The following FERMT2 variants were observed in gnomAD, a reference collection of about 807,000 sequenced individuals.
FERMT2 encodes FERM domain containing kindlin 2, also known as fermitin family homolog 2.
In FERMT2, 15 loss-of-function variants were observed where a neutral mutation model predicts 82.7. The ratio of observed to expected loss-of-function variants is 0.18; its 90% CI spans 0.12 to 0.28. The LOEUF (loss-of-function observed/expected upper bound fraction) is 0.28, where lower values mean the gene tolerates loss of function less well. Ranked by LOEUF, FERMT2 falls within the 10% of genes least tolerant of loss-of-function variation. The pLI, the probability that FERMT2 is intolerant of heterozygous loss-of-function variation, is 1.00. For missense variants in FERMT2, 645 were observed against 809.4 expected (o/e 0.80, Z 2.46); for synonymous variants, 274 against 271.5 (o/e 1.01, Z -0.09).
At chr14:52,890,166 C>T (rs1480188295) in intron 4 of FERMT2, among the ~76,000 whole-genome samples, 1 of 149,854 alleles carries the variant, frequency 6.7e-6, no homozygotes, top group African/African-American at 2.5e-5. Flanking sequence ...GGTGCGGTGG[C>T]TCACGCCTGT....
At chr14:52,907,371 A>G (rs1309984722) in intron 3 of FERMT2, among the ~76,000 whole-genome samples, 2 of 152,218 alleles carry the variant, frequency 1.3e-5, no homozygotes, top group Admixed American at 6.5e-5. Flanking sequence ...GACTTGCACT[A>G]TAAGAAGAGA....
intron 10 of FERMT2, among the ~76,000 whole-genome samples, chr14:52,871,286 A>C (rs1885606869): frequency 6.6e-6 from 1 of 152,086 alleles, no homozygotes; most frequent in Non-Finnish European, 1.5e-5. Context: ...TGCTCTTCTA[A>C]GGGAAGATAC....
intron 3 of FERMT2, among the ~76,000 whole-genome samples, chr14:52,918,855 C>T (rs942634189): frequency 6.6e-6 from 1 of 152,126 alleles, no homozygotes; most frequent in Non-Finnish European, 1.5e-5. Context: ...GAAAATAGTG[C>T]CTGTTCCTTT....
chr14:52,935,665 C>A (rs549713396), intron 2 of FERMT2, among the ~76,000 whole-genome samples: 1 of 152,244 alleles, frequency 6.6e-6, no homozygotes, highest in East Asian at 1.9e-4. Flanking sequence ...ACTGTTTAAG[C>A]CACCCAGGAT....
intron 3 of FERMT2, among the ~76,000 whole-genome samples, chr14:52,907,775 C>A (rs1888101376): frequency 1.3e-5 from 2 of 150,902 alleles, no homozygotes; most frequent in South Asian, 2.1e-4. Context: ...CCACCCCCCA[C>A]CAAAAAAAAA....
At chr14:52,926,597 T>C (rs982635964) in intron 2 of FERMT2, among the ~76,000 whole-genome samples, 2 of 152,170 alleles carry the variant, frequency 1.3e-5, no homozygotes, top group Non-Finnish European at 2.9e-5. Context: ...TTTTCAGTTA[T>C]CCTCCAGGTA....
At chr14:52,877,090 C>G (rs2140104901) in intron 7 of FERMT2, among the ~76,000 whole-genome samples, 1 of 152,262 alleles carries the variant, frequency 6.6e-6, no homozygotes, top group African/African-American at 2.4e-5. Flanking sequence ...TGTGAGAACA[C>G]AACTGTGTGT....
At chr14:52,919,403 G>T in intron 2 of FERMT2, 47 bp from the exon 3 acceptor site, 1 of 1,399,908 alleles carries the variant, frequency 7.1e-7, no homozygotes, top group Non-Finnish European at 9.9e-7. Flanking sequence ...TCACCAAGGT[G>T]ATTTTGAGAA....
rs750137441 is a variant in FERMT2, at chr14:52,864,672, T to C, written c.1381-50A>G. The C allele has an allele frequency of 2.5e-6, 4 of 1,585,242 alleles. No homozygotes were observed. The South Asian group carries it at 3.3e-5, about 13-fold the overall frequency. Reference sequence around the variant, plus strand: ...TGCAATGTATCACGAGGTGGGTCTTTCAAGTATAAAATATAAGGATGACTG... The same window carrying C: ...TGCAATGTATCACGAGGTGGGTCTTCCAAGTATAAAATATAAGGATGACTG... On this transcript the variant is annotated intron_variant, in intron 11 of 14. Coordinates refer to ENST00000341590, the MANE Select transcript of FERMT2 (RefSeq NM_006832.3).
chr14:52,863,839 T>C (rs1029452724), intron 12 of FERMT2, among the ~76,000 whole-genome samples: 1 of 152,158 alleles, frequency 6.6e-6, no homozygotes, highest in Admixed American at 6.6e-5. Flanking sequence ...TAATTATATA[T>C]GGAATAAAAT....
chr14:52,888,325 T>G (rs1886728587), intron 4 of FERMT2, among the ~76,000 whole-genome samples: 1 of 152,192 alleles, frequency 6.6e-6, no homozygotes, highest in African/African-American at 2.4e-5. Context: ...CAATCTAAAT[T>G]ACTATGTCTT....
chr14:52,890,393 G>A (rs62003532), intron 4 of FERMT2, among the ~76,000 whole-genome samples: 18,693 of 143,292 alleles, frequency 0.13, 1,569 homozygotes, highest in Middle Eastern at 0.24. Context: ...GCAGTGAGCC[G>A]AGATCGCAGC....
At chr14:52,896,843 T>A (rs574937563) in intron 3 of FERMT2, among the ~76,000 whole-genome samples, 106 of 151,930 alleles carry the variant, frequency 7.0e-4, no homozygotes, top group African/African-American at 9.9e-4. Flanking sequence ...AATTTTTTTT[T>A]AAATTAGCCA....
chr14:52,949,373 G>T (rs1426135132), intron 2 of FERMT2, among the ~76,000 whole-genome samples: 1 of 136,452 alleles, frequency 7.3e-6, no homozygotes. Flanking sequence ...AACGAATGCT[G>T]TGTTTAAAAA....
At chr14:52,888,679 T>G (rs575991604) in intron 4 of FERMT2, among the ~76,000 whole-genome samples, 1 of 152,310 alleles carries the variant, frequency 6.6e-6, no homozygotes, top group African/African-American at 2.4e-5. Context: ...TTTCTATGCA[T>G]ACCGGTCTTC....
chr14:52,866,881 T>C (rs922934743), intron 10 of FERMT2, among the ~76,000 whole-genome samples: 2 of 152,136 alleles, frequency 1.3e-5, no homozygotes, highest in Non-Finnish European at 2.9e-5. Flanking sequence ...AGCTTTCCTA[T>C]CCAAGTGGGC....
At chr14:52,877,574 C>CTTTTTTGTTTTTT (rs1886041963) in intron 7 of FERMT2, among the ~76,000 whole-genome samples, 1 of 67,060 alleles carries the variant, frequency 1.5e-5, no homozygotes, top group African/African-American at 6.1e-5. Context: ...GCTGTTCTTG[C>CTTTTTTGTTTTTT]TTTTTTTTTT....
intron 13 of FERMT2, 122 bp downstream of exon 13, chr14:52,860,219 A>G (rs1884842339): frequency 1.4e-6 from 1 of 693,050 alleles, no homozygotes; most frequent in Non-Finnish European, 2.3e-6. Context: ...TTTGAATTCT[A>G]TTGTAATATG....
chr14:52,878,862 T>TC (rs1315422105), intron 6 of FERMT2, among the ~76,000 whole-genome samples, 173 bp from the exon 7 acceptor site: 1 of 152,158 alleles, frequency 6.6e-6, no homozygotes, highest in Non-Finnish European at 1.5e-5. Flanking sequence ...ACCTATGGGG[T>TC]CAGACATGCC....
Sources: allele counts gnomAD v4.1 joint callset (sites outside exome capture counted in the v4.1 genomes callset), GRCh38; gene constraint gnomAD v4.1.1; transcripts MANE v1.5; gene names NCBI Gene and HGNC (gene_info 2026-07-23, HGNC 2026-07-21).